Variants in POU6F2 observed in about 807,000 individuals in gnomAD.
The protein encoded by POU6F2 is POU class 6 homeobox 2.
In POU6F2, 31 loss-of-function variants were observed where a neutral mutation model predicts 71.3. That is an observed-to-expected ratio of 0.43 (90% confidence interval 0.33 to 0.59). The LOEUF (loss-of-function observed/expected upper bound fraction) is 0.59. Among genes scored for constraint, POU6F2 ranks in the 20% least tolerant of loss-of-function variants. The pLI is 0.04. For synonymous variants in POU6F2, 347 were observed against 355.7 expected, an observed-to-expected ratio of 0.98 and a Z score of 0.27; for missense variants, 783 against 856.8, an observed-to-expected ratio of 0.91 and a Z score of 1.07.
intron 4 of POU6F2, among the ~76,000 whole-genome samples, chr7:39,308,894 C>G (rs1583513576): frequency 6.6e-6 from 1 of 152,236 alleles, no homozygotes; most frequent in Non-Finnish European, 1.5e-5. Context: ...TTCCTACCCA[C>G]TTTTCACGTC....
At chr7:39,309,932 A>G (rs564023001) in intron 4 of POU6F2, among the ~76,000 whole-genome samples, 158 of 152,304 alleles carry the variant, frequency 1.0e-3, no homozygotes, top group Non-Finnish European at 1.8e-3. Flanking sequence ...CTCCTATACT[A>G]TGTCTGGCCC....
chr7:39,011,708 G>A, intron 1 of POU6F2, among the ~76,000 whole-genome samples: 3 of 148,454 alleles, frequency 2.0e-5, no homozygotes, highest in African/African-American at 7.5e-5. Context: ...AGCTCTTGTA[G>A]GGCAGGCCTG....
At chr7:39,168,946 C>T (rs968199732) in intron 2 of POU6F2, among the ~76,000 whole-genome samples, 1 of 152,150 alleles carries the variant, frequency 6.6e-6, no homozygotes, top group Non-Finnish European at 1.5e-5. Context: ...CATTAGATTG[C>T]GTTTTACTCT....
intron 2 of POU6F2, among the ~76,000 whole-genome samples, chr7:39,161,080 C>T (rs1475719427): frequency 1.3e-5 from 2 of 152,012 alleles, no homozygotes; most frequent in Non-Finnish European, 2.9e-5. Context: ...CAGGAGAAGC[C>T]AATGCACAAG....
At chr7:39,018,328 T>C (rs1789607010) in intron 1 of POU6F2, among the ~76,000 whole-genome samples, 1 of 152,136 alleles carries the variant, frequency 6.6e-6, no homozygotes, top group Non-Finnish European at 1.5e-5. Context: ...ATGATTCTGA[T>C]TGGTTTGCAG....
chr7:39,182,351 C>A (rs1312377251), intron 2 of POU6F2, among the ~76,000 whole-genome samples: 1 of 152,174 alleles, frequency 6.6e-6, no homozygotes, highest in Non-Finnish European at 1.5e-5. Context: ...AATCATTGAT[C>A]TAACCTGTTT....
At chr7:39,293,702 T>C (rs1784803326) in intron 4 of POU6F2, among the ~76,000 whole-genome samples, 1 of 152,202 alleles carries the variant, frequency 6.6e-6, no homozygotes, top group Admixed American at 6.5e-5. Context: ...AAAACCTAAA[T>C]GTGGTACCAA....
chr7:39,389,616 A>C (rs1204103224), intron 5 of POU6F2, among the ~76,000 whole-genome samples: 1 of 152,208 alleles, frequency 6.6e-6, no homozygotes, highest in Non-Finnish European at 1.5e-5. Context: ...ACCAAATGTA[A>C]ATTTGCTCCT....
At chr7:39,191,272 A>G (rs796857803) in intron 2 of POU6F2, among the ~76,000 whole-genome samples, 3 of 152,354 alleles carry the variant, frequency 2.0e-5, no homozygotes, top group African/African-American at 7.2e-5. Flanking sequence ...GGAACAAAAT[A>G]TTCATGAATT....
At chr7:39,112,094 T>C (rs2128725745) in intron 2 of POU6F2, among the ~76,000 whole-genome samples, 1 of 152,280 alleles carries the variant, frequency 6.6e-6, no homozygotes, top group South Asian at 2.1e-4. Context: ...ACCTCTGTTC[T>C]TACCCTTCCA....
intron 1 of POU6F2, among the ~76,000 whole-genome samples, chr7:39,015,305 C>T (rs1386138983): frequency 1.2e-5 from 1 of 85,932 alleles, no homozygotes; most frequent in South Asian, 3.0e-4. Context: ...CTATAAATAT[C>T]TATATATAAT....
At chr7:39,097,697 T>C (rs1212854566) in intron 2 of POU6F2, among the ~76,000 whole-genome samples, 1 of 152,230 alleles carries the variant, frequency 6.6e-6, no homozygotes, top group African/African-American at 2.4e-5. Context: ...GTAGGGGCTG[T>C]GCTGTGTCCT....
intron 2 of POU6F2, among the ~76,000 whole-genome samples, chr7:39,147,926 T>G (rs1293436894): frequency 1.3e-5 from 2 of 152,214 alleles, no homozygotes; most frequent in Non-Finnish European, 2.9e-5. Flanking sequence ...TACACACTCA[T>G]GCACACTCTC....
chr7:39,374,610 C>G (rs1428190486), intron 5 of POU6F2, among the ~76,000 whole-genome samples: 1 of 152,160 alleles, frequency 6.6e-6, no homozygotes, highest in Non-Finnish European at 1.5e-5. Flanking sequence ...TCTAGTTTCC[C>G]CACAAGACAC....
intron 2 of POU6F2, among the ~76,000 whole-genome samples, chr7:39,140,158 A>G (rs181895620): frequency 7.1e-4 from 108 of 152,324 alleles, no homozygotes; most frequent in African/African-American, 2.5e-3. Flanking sequence ...CTGCAAATGT[A>G]TCAGAGCTGT....
chr7:39,242,809 C>T (rs4574755), intron 4 of POU6F2, among the ~76,000 whole-genome samples: 38,391 of 152,022 alleles, frequency 0.25, 5,449 homozygotes, highest in African/African-American at 0.39. Context: ...TGCAGGCACA[C>T]GTGTACACAG....
At chr7:39,058,896 A>T (rs1238182445) in intron 1 of POU6F2, among the ~76,000 whole-genome samples, 1 of 152,200 alleles carries the variant, frequency 6.6e-6, no homozygotes, top group African/African-American at 2.4e-5. Flanking sequence ...ACAAACCAAC[A>T]CCCAGAATCT....
At position 39,441,431 on chromosome 7, in the gene POU6F2, A is replaced by T. The variant is rs564924784; in HGVS notation, c.1320+8148A>T. On this transcript the variant is annotated intron_variant, in intron 7 of 9. Transcript: ENST00000518318. The stretch of plus-strand genomic sequence containing the variant: ...CTGAAAACAATTGAGACACCAGAGA[A>T]AGCAAGAGGAGCAAGGGAAGAAAAA... 3.3e-5 allele frequency among the ~76,000 whole-genome samples: 5 copies of T among 152,220 alleles called. No homozygotes were observed. In the South Asian group the frequency reaches 1.0e-3, roughly 32 times the overall value.
chr7:39,187,578 C>T (rs1793568318), intron 2 of POU6F2, among the ~76,000 whole-genome samples: 1 of 152,200 alleles, frequency 6.6e-6, no homozygotes, highest in Non-Finnish European at 1.5e-5. Context: ...CAGCTACCAG[C>T]AACAGTAGCA....
Sources: allele counts gnomAD v4.1 joint callset (sites outside exome capture counted in the v4.1 genomes callset), GRCh38; gene constraint gnomAD v4.1.1; transcripts MANE v1.5; gene names NCBI Gene and HGNC (gene_info 2026-07-23, HGNC 2026-07-21).